ECI2: variants seen among roughly 807,000 people sequenced by gnomAD.
ECI2 encodes D3,D2-enoyl-CoA isomerase.
A neutral mutation model predicts 38.4 loss-of-function variants in ECI2; 27 were observed. That is an observed-to-expected ratio of 0.70 (90% CI 0.52 to 0.97). The LOEUF is 0.97. Ranked by LOEUF, ECI2 falls within the 50% of genes least tolerant of loss-of-function variation. The probability of loss-of-function intolerance (pLI) is 0.00; values close to 1 mark genes in which losing one functional copy is unlikely to be tolerated. For missense variants in ECI2, 470 were observed against 474.4 expected, an observed-to-expected ratio of 0.99 and a Z score of 0.09; for synonymous variants, 168 against 172.0, an observed-to-expected ratio of 0.98 and a Z score of 0.18.
chr6:4,129,171 G>A (rs1443544102), intron 4 of ECI2, among the ~76,000 whole-genome samples: 2 of 149,386 alleles, frequency 1.3e-5, no homozygotes, highest in South Asian at 2.2e-4. Flanking sequence ...AGGCTAGAGT[G>A]CAATAGCATG....
At chr6:4,125,854 T>G (rs1773117385) in intron 6 of ECI2, 2 of 526,124 alleles carry the variant, frequency 3.8e-6, no homozygotes, top group Non-Finnish European at 7.0e-6. Flanking sequence ...GCTAAATTCC[T>G]CTGCCTCAGT....
intron 6 of ECI2, chr6:4,125,573 GGAA>G: frequency 1.5e-6 from 1 of 685,498 alleles, no homozygotes; most frequent in Non-Finnish European, 2.4e-6. Context: ...GGCAGTGGAT[GGAA>G]GACCAACCAG....
Position 4,135,506 on chromosome 6 carries a change from C to T in ECI2, c.50+5G>A, listed in dbSNP as rs1318129480. 1 of 1,578,754 alleles carries T rather than the reference C, an allele frequency of 6.3e-7. No homozygotes were observed. The highest frequency in any genetic ancestry group is 1.4e-5 in the African/African-American group (1 of 73,518). ...TGGGCCGAACGGCCGGGACTCCAAG[C>T]TTACCTCGGACACGAACGCCGCGCC... On this transcript the variant is annotated splice_donor_5th_base_variant and intron_variant, in intron 1 of 9. Transcript: ENST00000380118.
chr6:4,125,519 C>T (rs755149034), intron 6 of ECI2, 149 bp from the exon 7 acceptor site: 5 of 1,120,838 alleles, frequency 4.5e-6, no homozygotes, highest in Non-Finnish European at 6.3e-6. Context: ...CCTGCCACTT[C>T]CCTGGTCTTC....
At chr6:4,127,450 T>C (rs1359211313) in intron 5 of ECI2, among the ~76,000 whole-genome samples, 1 of 138,470 alleles carries the variant, frequency 7.2e-6, no homozygotes, top group Non-Finnish European at 1.5e-5. Context: ...AGTCTCACTC[T>C]GTTACCCAAG....
chr6:4,126,076 A>T, intron 6 of ECI2, 59 bp downstream of exon 6: 1 of 1,393,038 alleles, frequency 7.2e-7, no homozygotes, highest in Non-Finnish European at 1.0e-6. Flanking sequence ...TCAACTAAAT[A>T]CCACTTTGAT....
chr6:4,126,726 AGACCT>A (rs1773187937), intron 5 of ECI2, among the ~76,000 whole-genome samples: 1 of 152,210 alleles, frequency 6.6e-6, no homozygotes, highest in Admixed American at 6.5e-5. Context: ...CTGGCAGAAT[AGACCT>A]GACAGTGCTT....
intron 7 of ECI2, among the ~76,000 whole-genome samples, chr6:4,119,509 C>T (rs571441439): frequency 6.2e-4 from 95 of 152,054 alleles, no homozygotes; most frequent in African/African-American, 2.0e-3. Context: ...TTCGTAGAGA[C>T]GGGGTTTCGC....
In ECI2 at chr6:4,126,131, T is replaced by C. The variant is rs781095376; in HGVS notation, c.674+4A>G. ...GGGATCAGACAAAGGTCAGTAACTC[T>C]TACCTCAGTAAAACGGCATTATTTT... On this transcript the variant is annotated splice_donor_region_variant and intron_variant, in intron 6 of 9. Coordinates refer to ENST00000380118, the MANE Select transcript of ECI2 (RefSeq NM_206836.3). 38 of 1,612,358 alleles carry C rather than the reference T, an allele frequency of 2.4e-5. No homozygotes were observed. Among genetic ancestry groups the C allele is most frequent in the Non-Finnish European group, 3.1e-5 (36 of 1,178,932 alleles).
At chr6:4,129,800 C>T (rs1773407546) in intron 4 of ECI2, among the ~76,000 whole-genome samples, 1 of 152,078 alleles carries the variant, frequency 6.6e-6, no homozygotes, top group South Asian at 2.1e-4. Flanking sequence ...ACCAAGCATC[C>T]AATTAATTCC....
chr6:4,120,141 G>A (rs1370716517), intron 7 of ECI2, among the ~76,000 whole-genome samples: 1 of 152,164 alleles, frequency 6.6e-6, no homozygotes. Context: ...CGTATGAAAG[G>A]CTACTATGAA....
chr6:4,126,100 C>A, intron 6 of ECI2, 35 bp downstream of exon 6: 1 of 1,552,792 alleles, frequency 6.4e-7, no homozygotes, highest in Non-Finnish European at 8.9e-7. Context: ...TAAGAACGGG[C>A]CCTCTGGGAT....
intron 7 of ECI2, among the ~76,000 whole-genome samples, chr6:4,123,554 T>C (rs900752834): frequency 3.3e-5 from 5 of 149,760 alleles, no homozygotes; most frequent in African/African-American, 1.2e-4. Flanking sequence ...ATATGCAATA[T>C]ACATATATTA....
intron 6 of ECI2, chr6:4,125,799 C>G: frequency 2.3e-6 from 1 of 440,706 alleles, no homozygotes; most frequent in Non-Finnish European, 4.2e-6. Flanking sequence ...CTCCTACCTT[C>G]AGCGTTCATG....
At chr6:4,117,275 CAAGG>C in intron 9 of ECI2, 29 bp downstream of exon 9, 1 of 1,554,846 alleles carries the variant, frequency 6.4e-7, no homozygotes, top group Non-Finnish European at 8.7e-7. Context: ...AAATCATTTT[CAAGG>C]TTCTTAGAAG....
intron 1 of ECI2, chr6:4,135,156 C>A (rs1405699434): frequency 1.8e-6 from 1 of 565,934 alleles, no homozygotes; most frequent in Non-Finnish European, 3.3e-6. Context: ...AGAAGCAGCC[C>A]GGCTGGGAAG....
chr6:4,124,892 A>C, intron 7 of ECI2: 3 of 384,150 alleles, frequency 7.8e-6, no homozygotes, highest in South Asian at 5.8e-5. Context: ...ACTCAGTAAA[A>C]AGGATCAACT....
At chr6:4,116,792 CTCA>C (rs1241272330) in intron 9 of ECI2, among the ~76,000 whole-genome samples, 1 of 152,170 alleles carries the variant, frequency 6.6e-6, no homozygotes, top group Non-Finnish European at 1.5e-5. Flanking sequence ...GACAGTGCTT[CTCA>C]AAATTCAGTG....
intron 4 of ECI2, 179 bp downstream of exon 4, chr6:4,130,193 C>T: frequency 6.2e-7 from 1 of 1,613,844 alleles, no homozygotes; most frequent in South Asian, 1.1e-5. Flanking sequence ...AATTCACAAA[C>T]TCTAAACAAT....
Sources: allele counts gnomAD v4.1 joint callset (sites outside exome capture counted in the v4.1 genomes callset), GRCh38; gene constraint gnomAD v4.1.1; transcripts MANE v1.5; gene names NCBI Gene and HGNC (gene_info 2026-07-23, HGNC 2026-07-21).